RORA: variants seen among roughly 807,000 people sequenced by gnomAD.
The protein encoded by RORA is RAR related orphan receptor A.
RORA carries 7 observed loss-of-function variants against 69.5 expected under a neutral mutation model. The observed-to-expected ratio is 0.10, with a 90% CI of 0.06 to 0.19. RORA has a LOEUF of 0.19. Among genes scored for constraint, RORA ranks in the 10% least tolerant of loss-of-function variants. The pLI is 1.00. For missense variants in RORA, 457 were observed against 663.0 expected, an observed-to-expected ratio of 0.69 and a Z score of 3.41; for synonymous variants, 261 against 240.8, an observed-to-expected ratio of 1.08 and a Z score of -0.78.
chr15:61,167,399 G>A (rs1166111080), intron 1 of RORA, among the ~76,000 whole-genome samples: 1 of 150,988 alleles, frequency 6.6e-6, no homozygotes, highest in Non-Finnish European at 1.5e-5. Context: ...CAGACACTCA[G>A]GTTAATAATA....
At chr15:60,674,100 G>T (rs1439700685) in intron 2 of RORA, among the ~76,000 whole-genome samples, 1 of 152,158 alleles carries the variant, frequency 6.6e-6, no homozygotes, top group African/African-American at 2.4e-5. Context: ...GCCAGCAACA[G>T]AAATTATAAC....
chr15:61,101,278 T>C (rs1342831541), intron 1 of RORA, among the ~76,000 whole-genome samples: 1 of 152,002 alleles, frequency 6.6e-6, no homozygotes, highest in African/African-American at 2.4e-5. Flanking sequence ...GAACAAGTAA[T>C]CACATAAATG....
intron 1 of RORA, among the ~76,000 whole-genome samples, chr15:60,741,233 T>G (rs1290354053): frequency 6.6e-6 from 1 of 152,202 alleles, no homozygotes; most frequent in Non-Finnish European, 1.5e-5. Context: ...AACTTCATGG[T>G]GCACAGAGGA....
At chr15:60,767,970 C>CAGA (rs1383923813) in intron 1 of RORA, among the ~76,000 whole-genome samples, 2 of 152,300 alleles carry the variant, frequency 1.3e-5, no homozygotes, top group East Asian at 3.9e-4. Flanking sequence ...ATGCCCAGCA[C>CAGA]AGATGCCTGA....
chr15:60,817,940 C>T (rs1039045512), intron 1 of RORA, among the ~76,000 whole-genome samples: 1 of 152,160 alleles, frequency 6.6e-6, no homozygotes, highest in Non-Finnish European at 1.5e-5. Flanking sequence ...CTCTTATATA[C>T]TATTTTCTTT....
At chr15:60,941,405 T>G (rs1892692717) in intron 1 of RORA, among the ~76,000 whole-genome samples, 1 of 152,260 alleles carries the variant, frequency 6.6e-6, no homozygotes, top group Non-Finnish European at 1.5e-5. Flanking sequence ...CGATTCCATT[T>G]AGCTATTAGG....
intron 1 of RORA, among the ~76,000 whole-genome samples, chr15:61,014,218 C>T (rs1174351181): frequency 1.3e-5 from 2 of 152,212 alleles, no homozygotes; most frequent in Non-Finnish European, 2.9e-5. Context: ...TCAGCTTCCA[C>T]ATCTATAAAA....
intron 1 of RORA, among the ~76,000 whole-genome samples, chr15:60,780,111 AAT>A (rs1362268840): frequency 2.6e-5 from 4 of 152,172 alleles, no homozygotes; most frequent in Admixed American, 6.5e-5. Context: ...AGCTGTAATG[AAT>A]ATGAGAAATT....
chr15:60,976,771 G>C (rs1893882876), intron 1 of RORA, among the ~76,000 whole-genome samples: 1 of 152,136 alleles, frequency 6.6e-6, no homozygotes, highest in Non-Finnish European at 1.5e-5. Context: ...CCTGGTGAGT[G>C]AGCAGGGATT....
In RORA at chr15:60,885,853, A is replaced by C. The variant is rs970259760; in HGVS notation, c.167-207167T>G. ...AACATCGCCTTGATGGAATGGTTGG[A>C]ATTGTTATATGAGAAAGCAAATGTG... On this transcript the variant is annotated intron_variant, in intron 1 of 10. Coordinates refer to ENST00000335670, the MANE Select transcript of RORA (RefSeq NM_134261.3). Among the ~76,000 whole-genome samples the C allele has an allele frequency of 8.5e-5, 13 of 152,332 alleles. 1 individual carries two copies. Among genetic ancestry groups the C allele is most frequent in the Admixed American group, 7.2e-4 (11 of 15,298 alleles).
At chr15:60,569,786 A>G (rs192022951) in intron 2 of RORA, among the ~76,000 whole-genome samples, 3 of 152,358 alleles carry the variant, frequency 2.0e-5, no homozygotes, top group Admixed American at 1.3e-4. Flanking sequence ...CCTACTGGCG[A>G]CAAAGAACGT....
chr15:61,033,980 A>G (rs968325454), intron 1 of RORA, among the ~76,000 whole-genome samples: 3 of 152,222 alleles, frequency 2.0e-5, no homozygotes, highest in African/African-American at 7.2e-5. Flanking sequence ...GTTACGTTAA[A>G]TAAGCTGCAT....
chr15:60,592,636 AGGCG>A lies in RORA; in HGVS notation c.197-60789_197-60786del, dbSNP rs2068564893. 5.2e-6 allele frequency: 3 copies of A among 581,734 alleles called. No individual in the cohort carries two copies. The African/African-American group carries it at 1.5e-4, about 29-fold the overall frequency. The allele number at this position is 581,734 out of a possible 1,614,324, so 36.0% of individuals were successfully genotyped here. On this transcript the variant is annotated intron_variant, in intron 2 of 10. Transcript: ENST00000335670. ...CCCCTCCGCTTCCTCCCGGGGCGGG[AGGCG>A]GGAGGCGGGAGGCGGGAGGCAGGCG... is the stretch of plus-strand genomic sequence containing the variant.
chr15:61,058,172 G>A lies in RORA; in HGVS notation c.166+170881C>T, dbSNP rs772426939. On this transcript the variant is annotated intron_variant, in intron 1 of 10. Transcript: ENST00000335670. ...AGAGCAAAGGAGGAGATAAGAACCC[G>A]CAAGGTGTTGTGAGATTGTGAGGAA... 5.9e-5 allele frequency among the ~76,000 whole-genome samples: 9 copies of A among 152,146 alleles called. No individual in the cohort carries two copies. In the South Asian group the frequency reaches 1.5e-3, roughly 25 times the overall value.
At chr15:60,912,203 G>A (rs766975719) in intron 1 of RORA, among the ~76,000 whole-genome samples, 56 of 150,064 alleles carry the variant, frequency 3.7e-4, no homozygotes, top group Admixed American at 1.3e-4. Context: ...TTGAGGCCAG[G>A]AGTTTCAGAC....
intron 1 of RORA, among the ~76,000 whole-genome samples, chr15:60,704,508 C>T (rs1434310260): frequency 2.6e-5 from 4 of 152,188 alleles, no homozygotes; most frequent in Admixed American, 1.3e-4. Context: ...TTTCTGTTGT[C>T]TTCTTTCTTC....
chr15:61,222,368 A>G (rs6494251), intron 1 of RORA, among the ~76,000 whole-genome samples: 108,648 of 151,830 alleles, frequency 0.72, 40,640 homozygotes, highest in East Asian at 0.99. Flanking sequence ...ATATGTTAGG[A>G]AAAAAAAATT....
intron 1 of RORA, among the ~76,000 whole-genome samples, chr15:60,940,858 C>A (rs1248000541): frequency 6.6e-6 from 1 of 152,138 alleles, no homozygotes; most frequent in Non-Finnish European, 1.5e-5. Context: ...ACTCGGGAGG[C>A]AAAGCTTGCA....
At chr15:60,920,932 C>G (rs934140939) in intron 1 of RORA, among the ~76,000 whole-genome samples, 18 of 152,120 alleles carry the variant, frequency 1.2e-4, no homozygotes, top group African/African-American at 3.9e-4. Flanking sequence ...ATTTATGAAG[C>G]CTTGAAGGTC....
Sources: gnomAD v4.1 joint callset for allele counts (sites outside exome capture counted in the v4.1 genomes callset) on GRCh38, gnomAD v4.1.1 for gene constraint, MANE v1.5 for transcripts, NCBI Gene and HGNC (gene_info 2026-07-23, HGNC 2026-07-21) for gene names.